OSBPL1A: variants seen among roughly 807,000 people sequenced by gnomAD.
OSBPL1A encodes the protein oxysterol-binding protein-related protein 1.
Under a neutral mutation model 137.1 loss-of-function variants are expected in OSBPL1A, and 80 were observed. The ratio of observed to expected loss-of-function variants is 0.58; its 90% CI spans 0.49 to 0.70. The LOEUF (loss-of-function observed/expected upper bound fraction) is 0.70, where lower values mean the gene tolerates loss of function less well. Ranked by LOEUF, OSBPL1A falls within the 30% of genes least tolerant of loss-of-function variation. OSBPL1A has a pLI of 0.00. For synonymous variants in OSBPL1A, 365 were observed against 389.7 expected (o/e 0.94, Z 0.75); for missense variants, 970 against 1,129.4 (o/e 0.86, Z 2.02).
At chr18:24,333,415 T>C (rs533406575) in intron 6 of OSBPL1A, among the ~76,000 whole-genome samples, 16 of 152,228 alleles carry the variant, frequency 1.1e-4, no homozygotes, top group Non-Finnish European at 2.1e-4. Flanking sequence ...AATTCATACT[T>C]GTGACAGCAG....
chr18:24,198,228 G>A (rs979660550), intron 17 of OSBPL1A, among the ~76,000 whole-genome samples: 3 of 152,166 alleles, frequency 2.0e-5, no homozygotes, highest in Non-Finnish European at 2.9e-5. Context: ...TGTATAGACC[G>A]TGTGCTACCA....
intron 14 of OSBPL1A, among the ~76,000 whole-genome samples, chr18:24,286,186 T>C (rs1002702467): frequency 6.6e-6 from 1 of 152,086 alleles, no homozygotes; most frequent in Non-Finnish European, 1.5e-5. Context: ...TGGACTTTCA[T>C]ATCAGATTGG....
At chr18:24,332,484 A>T (rs1050423543) in intron 7 of OSBPL1A, among the ~76,000 whole-genome samples, 1 of 150,700 alleles carries the variant, frequency 6.6e-6, no homozygotes, top group African/African-American at 2.4e-5. Flanking sequence ...ATGCCTTATG[A>T]AGAAAACTTT....
At chr18:24,267,485 T>C (rs915953364) in intron 15 of OSBPL1A, among the ~76,000 whole-genome samples, 1 of 152,044 alleles carries the variant, frequency 6.6e-6, no homozygotes, top group Non-Finnish European at 1.5e-5. Context: ...AAAAGAAAAT[T>C]ACAAGTCAAT....
At chr18:24,281,004 C>A in intron 14 of OSBPL1A, 56 bp from the exon 15 acceptor site, 1 of 1,164,160 alleles carries the variant, frequency 8.6e-7, no homozygotes, top group African/African-American at 1.6e-5. Context: ...TTAAGGTAAA[C>A]TAAGACCACA....
Position 24,377,552 on chromosome 18 carries a change from A to G in OSBPL1A, c.-2-17T>C, listed in dbSNP as rs778554652. On this transcript the variant is annotated splice_polypyrimidine_tract_variant and intron_variant, in intron 1 of 27. Coordinates refer to ENST00000319481, the MANE Select transcript of OSBPL1A (RefSeq NM_080597.4). ...TGTTCATTTCTAAATTAAGAAAATA[A>G]TAACATTGCTATTATTTAAGAACAT... 41 of 1,577,096 alleles carry G rather than the reference A, an allele frequency of 2.6e-5. No individual in the cohort carries two copies. Among genetic ancestry groups the G allele is most frequent in the Non-Finnish European group, 3.5e-5 (41 of 1,167,058 alleles).
rs2091522232 is a variant in OSBPL1A at position 24,355,737 on chromosome 18, C to A, written c.282+11155G>T. On this transcript the variant is annotated intron_variant, in intron 4 of 27. Transcript: ENST00000319481. ...CAGTGGCTCACGCTTGTAAACCCAGCACTTTGGAAGGCCAAGGCAGGCAGA... is the reference window on the plus strand; with the variant it reads ...CAGTGGCTCACGCTTGTAAACCCAGAACTTTGGAAGGCCAAGGCAGGCAGA... 2.0e-5 allele frequency among the ~76,000 whole-genome samples: 3 copies of A among 152,132 alleles called. No homozygotes were observed. The South Asian group carries it at 6.2e-4, about 32-fold the overall frequency.
intron 4 of OSBPL1A, among the ~76,000 whole-genome samples, chr18:24,343,164 G>T (rs1473340294): frequency 6.6e-6 from 1 of 151,812 alleles, no homozygotes; most frequent in Non-Finnish European, 1.5e-5. Context: ...TTAAAAATGG[G>T]CAAAGACAAC....
chr18:24,283,872 T>C (rs2090013907), intron 14 of OSBPL1A, among the ~76,000 whole-genome samples: 1 of 152,148 alleles, frequency 6.6e-6, no homozygotes, highest in African/African-American at 2.4e-5. Flanking sequence ...ACATTAATGG[T>C]CCAAATACAT....
chr18:24,372,673 A>G (rs1162056523), intron 2 of OSBPL1A, among the ~76,000 whole-genome samples: 1 of 151,972 alleles, frequency 6.6e-6, no homozygotes, highest in Non-Finnish European at 1.5e-5. Context: ...GCCCCCATCC[A>G]AACCACACTG....
At chr18:24,312,541 T>C (rs922857456) in intron 12 of OSBPL1A, among the ~76,000 whole-genome samples, 1 of 152,224 alleles carries the variant, frequency 6.6e-6, no homozygotes, top group Non-Finnish European at 1.5e-5. Flanking sequence ...ACTAAGGTCA[T>C]ATTAAAACAG....
At position 24,163,058 on chromosome 18, in the gene OSBPL1A, C is replaced by A; in HGVS notation, c.*121G>T. 1 of 681,932 alleles carries A rather than the reference C, an allele frequency of 1.5e-6. No individual in the cohort carries two copies. The highest frequency in any genetic ancestry group is 2.4e-6 in the Non-Finnish European group (1 of 419,024). 42.2% of individuals were successfully genotyped at this position (681,932 alleles called of 1,614,324 possible). On this transcript the variant is annotated 3_prime_UTR_variant, in exon 28 of 28. Transcript: ENST00000319481. ...CTTTTGTTGGGTGAAATGCAGTTATCTCATGAGTGTTTTTTCATTTTTTTT... is the reference window on the plus strand; with the variant it reads ...CTTTTGTTGGGTGAAATGCAGTTATATCATGAGTGTTTTTTCATTTTTTTT...
At chr18:24,313,420 G>A (rs141281732) in intron 12 of OSBPL1A, among the ~76,000 whole-genome samples, 2,029 of 140,314 alleles carry the variant, frequency 0.014, 34 homozygotes, top group Non-Finnish European at 0.018. Context: ...AAGCCTGGGC[G>A]GAAAAAAAAA....
intron 14 of OSBPL1A, among the ~76,000 whole-genome samples, chr18:24,301,616 G>A (rs1324077245): frequency 6.6e-6 from 1 of 152,140 alleles, no homozygotes; most frequent in Non-Finnish European, 1.5e-5. Flanking sequence ...TCACATGTGT[G>A]AATTTTGTTA....
intron 22 of OSBPL1A, 122 bp from the exon 23 acceptor site, chr18:24,171,620 C>T: frequency 1.4e-6 from 1 of 737,346 alleles, no homozygotes; most frequent in Non-Finnish European, 2.3e-6. Context: ...GTGCCAGGCT[C>T]CATACTAAAG....
rs889128173 is a variant in OSBPL1A at position 24,312,218 on chromosome 18, C to T, written c.970-112G>A. On this transcript the variant is annotated intron_variant, in intron 12 of 27. Coordinates refer to ENST00000319481, the MANE Select transcript of OSBPL1A (RefSeq NM_080597.4). The stretch of plus-strand genomic sequence containing the variant: ...TTACCTAGTGAAATAAATATTATGG[C>T]CTCAAAAGGGAAAGCAAAGCAACCA... 1.1e-4 allele frequency: 141 copies of T among 1,305,014 alleles called. No individual in the cohort carries two copies. In the African/African-American group the frequency reaches 2.0e-3, roughly 19 times the overall value. The allele number at this position is 1,305,014 out of a possible 1,614,324, so 80.8% of individuals were successfully genotyped here.
At chr18:24,338,902 C>T (rs779990612) in intron 5 of OSBPL1A, among the ~76,000 whole-genome samples, 10 of 151,990 alleles carry the variant, frequency 6.6e-5, no homozygotes, top group Admixed American at 2.0e-4. Context: ...TTAGTAGAGA[C>T]GGGGTTTCAC....
chr18:24,366,610 A>T, intron 4 of OSBPL1A: 1 of 289,614 alleles, frequency 3.5e-6, no homozygotes, highest in Non-Finnish European at 6.4e-6. Flanking sequence ...TTTTTTTTTA[A>T]AAAAAAGAAT....
chr18:24,214,399 C>T (rs1388636368), intron 17 of OSBPL1A, among the ~76,000 whole-genome samples: 1 of 152,220 alleles, frequency 6.6e-6, no homozygotes, highest in African/African-American at 2.4e-5. Flanking sequence ...GGTGAGCACA[C>T]ATCTACTAAC....
Sources: gnomAD v4.1 joint callset for allele counts (sites outside exome capture counted in the v4.1 genomes callset) on GRCh38, gnomAD v4.1.1 for gene constraint, MANE v1.5 for transcripts, NCBI Gene and HGNC (gene_info 2026-07-23, HGNC 2026-07-21) for gene names.